KDM1A: variants seen among roughly 807,000 people sequenced by gnomAD.
KDM1A encodes the protein lysine-specific histone demethylase 1A.
Under a neutral mutation model 109.4 loss-of-function variants are expected in KDM1A, and 49 were observed. The observed-to-expected ratio is 0.45, with a 90% CI of 0.36 to 0.57. The LOEUF (loss-of-function observed/expected upper bound fraction) is 0.57, where lower values mean the gene tolerates loss of function less well. Among genes scored for constraint, KDM1A ranks in the 20% least tolerant of loss-of-function variants. The pLI, the probability that KDM1A is intolerant of heterozygous loss-of-function variation, is 0.00. For synonymous variants in KDM1A, 380 were observed against 415.4 expected (o/e 0.91, Z 1.04); for missense variants, 668 against 1,116.6 (o/e 0.60, Z 5.73).
Position 23,079,317 on chromosome 1 carries a change from A to T in KDM1A, c.2055+140A>T. ...TGTGACATCAGGGCTGAGGCGTGTCAGTTGATTCTCTTCAGTGCCTAAGTC... is the reference window on the plus strand; with the variant it reads ...TGTGACATCAGGGCTGAGGCGTGTCTGTTGATTCTCTTCAGTGCCTAAGTC... On this transcript the variant is annotated intron_variant, in intron 17 of 20. Transcript: ENST00000400181. The surrounding 1 kb of genome is among the most constrained non-coding windows in gnomAD (Gnocchi z 5.6). 1 of 826,438 alleles carries T rather than the reference A, an allele frequency of 1.2e-6. No individual in the cohort carries two copies. The highest frequency in any genetic ancestry group is 1.9e-6 in the Non-Finnish European group (1 of 528,754). The allele number at this position is 826,438 out of a possible 1,614,324, so 51.2% of individuals were successfully genotyped here.
At chr1:23,072,461 A>C (rs1557586991) in intron 14 of KDM1A, among the ~76,000 whole-genome samples, 1 of 152,204 alleles carries the variant, frequency 6.6e-6, no homozygotes, top group Non-Finnish European at 1.5e-5. Context: ...AAGATGTAAT[A>C]GATGGAAATT....
chr1:23,052,055 T>G (rs1471754150), intron 4 of KDM1A, among the ~76,000 whole-genome samples: 1 of 152,158 alleles, frequency 6.6e-6, no homozygotes. Context: ...TGTCATTTTT[T>G]TGTTTGTTTG....
At chr1:23,050,296 C>A in intron 3 of KDM1A, 91 bp from the exon 4 acceptor site, 1 of 1,374,790 alleles carries the variant, frequency 7.3e-7, no homozygotes, top group Non-Finnish European at 9.6e-7. Context: ...AAAGGTCAGT[C>A]TGTGAGTGAG....
chr1:23,031,478 A>G (rs1477793729), intron 2 of KDM1A, among the ~76,000 whole-genome samples: 4 of 152,180 alleles, frequency 2.6e-5, no homozygotes, highest in Non-Finnish European at 5.9e-5. Flanking sequence ...TAAAAACAAA[A>G]TGGTGGTTTC....
At chr1:23,039,922 A>G (rs1489274033) in intron 2 of KDM1A, among the ~76,000 whole-genome samples, 1 of 152,250 alleles carries the variant, frequency 6.6e-6, no homozygotes, top group Admixed American at 6.5e-5. Flanking sequence ...GTTTTGGGGC[A>G]GATACGGTAA....
intron 16 of KDM1A, among the ~76,000 whole-genome samples, chr1:23,078,450 C>A (rs982939675): frequency 6.6e-6 from 1 of 152,102 alleles, no homozygotes; most frequent in Non-Finnish European, 1.5e-5. Flanking sequence ...AATTTCAGTA[C>A]CCTCTCTGAG....
chr1:23,044,249 G>T, intron 2 of KDM1A, 178 bp from the exon 3 acceptor site: 1 of 565,548 alleles, frequency 1.8e-6, no homozygotes, highest in Non-Finnish European at 3.2e-6. Flanking sequence ...TTCCTGACCA[G>T]AATTTGGAAG....
At chr1:23,077,120 ATT>A in intron 15 of KDM1A, 106 bp from the exon 16 acceptor site, 1 of 1,056,546 alleles carries the variant, frequency 9.5e-7, no homozygotes. Flanking sequence ...GCCTTAAAAT[ATT>A]GACTGTTTCC....
At chr1:23,050,875 A>G (rs1168787412) in intron 4 of KDM1A, among the ~76,000 whole-genome samples, 2 of 150,814 alleles carry the variant, frequency 1.3e-5, no homozygotes, top group African/African-American at 4.8e-5. Context: ...ACCTGAGGTT[A>G]AGGGTTCGAG....
chr1:23,036,444 G>GCCCCCCCCCC (rs5773033), intron 2 of KDM1A, among the ~76,000 whole-genome samples: 1 of 121,596 alleles, frequency 8.2e-6, no homozygotes, highest in Non-Finnish European at 1.7e-5. Context: ...TTCTTGCCAC[G>GCCCCCCCCCC]CCCCCCCCCT....
chr1:23,022,890 C>T (rs1038201619), intron 1 of KDM1A, among the ~76,000 whole-genome samples: 1 of 148,414 alleles, frequency 6.7e-6, no homozygotes. Context: ...AACTCCTGGC[C>T]TCAAGCCATC....
chr1:23,076,742 T>C (rs886122236), intron 15 of KDM1A, among the ~76,000 whole-genome samples: 3 of 151,768 alleles, frequency 2.0e-5, no homozygotes, highest in Non-Finnish European at 4.4e-5. Flanking sequence ...GAGGCTGAGG[T>C]GGGTGGGTCA....
Position 23,079,102 on chromosome 1 carries a change from C to G in KDM1A, c.1980C>G (p.Ala660=), listed in dbSNP as rs756594733. The stretch of plus-strand genomic sequence containing the variant: ...GTGTGCTGAAGCAGCAGCCACCAGC[C>G]GTTCAGTTTGTGCCACCTCTCCCTG... The part of the protein sequence containing the change: ...PLGVLKQQPP[A]VQFVPPLPEW... The change falls in exon 17 of 21, where the codon GCC becomes GCG. Residue 660 remains alanine (A), a synonymous_variant. Transcript: ENST00000400181. The surrounding 1 kb of genome is among the most constrained non-coding windows in gnomAD (Gnocchi z 5.6). 1 of 1,614,126 alleles carries G rather than the reference C, an allele frequency of 6.2e-7. No individual in the cohort carries two copies. The highest frequency in any genetic ancestry group is 1.6e-4 in the Middle Eastern group (1 of 6,062).
At chr1:23,023,819 A>G (rs1033814573) in intron 1 of KDM1A, among the ~76,000 whole-genome samples, 3 of 152,120 alleles carry the variant, frequency 2.0e-5, no homozygotes, top group African/African-American at 7.2e-5. Context: ...TTTTTAAGCT[A>G]TCTCCTACAA....
intron 15 of KDM1A, among the ~76,000 whole-genome samples, chr1:23,074,499 T>C (rs1253169803): frequency 3.3e-5 from 5 of 152,194 alleles, no homozygotes; most frequent in Admixed American, 3.3e-4. Context: ...TGGAGTGGTG[T>C]GATCATGGCT....
rs979642413 is a variant in KDM1A at position 23,030,284 on chromosome 1, C to A, written c.352-185C>A. ...AGATTAGTTTGAACCTGAACTGACA[C>A]AAGATTGTTTCATGAGGGCTTTGTT... is the stretch of plus-strand genomic sequence containing the variant. On this transcript the variant is annotated intron_variant, in intron 1 of 20. Coordinates refer to ENST00000400181, the MANE Select transcript of KDM1A (RefSeq NM_001009999.3). 4.4e-4 allele frequency among the ~76,000 whole-genome samples: 67 copies of A among 152,206 alleles called. 3 individuals are homozygous for A. The highest frequency in any genetic ancestry group is 4.8e-5 in the African/African-American group (2 of 41,448).
In KDM1A at chr1:23,019,471, G is replaced by A; in HGVS notation, c.-126G>A. 1 of 1,242,952 alleles carries A rather than the reference G, an allele frequency of 8.0e-7. No individual in the cohort carries two copies. The highest frequency in any genetic ancestry group is 2.9e-5 in the South Asian group (1 of 33,932). 77.0% of individuals were successfully genotyped at this position (1,242,952 alleles called of 1,614,324 possible). On this transcript the variant is annotated 5_prime_UTR_variant, in exon 1 of 21. Coordinates refer to ENST00000400181, the MANE Select transcript of KDM1A (RefSeq NM_001009999.3). ...CCGGCGCGGCGGGAGCGCGCTTGGC[G>A]CGTGCGTACGCGACGGCGGTTGGCG...
At chr1:23,049,106 C>T (rs1347292689) in intron 3 of KDM1A, among the ~76,000 whole-genome samples, 3 of 138,524 alleles carry the variant, frequency 2.2e-5, no homozygotes, top group African/African-American at 5.4e-5. Context: ...GAGCCGAGAT[C>T]GCGCTACTGC....
intron 2 of KDM1A, among the ~76,000 whole-genome samples, chr1:23,033,296 C>T (rs1415975418): frequency 1.3e-5 from 2 of 152,098 alleles, no homozygotes; most frequent in Non-Finnish European, 2.9e-5. Context: ...CTGAGGCAAG[C>T]GGATCACCTG....
Sources: allele counts gnomAD v4.1 joint callset (sites outside exome capture counted in the v4.1 genomes callset), GRCh38; gene constraint gnomAD v4.1.1; non-coding constraint Gnocchi (gnomAD v3.1); transcripts MANE v1.5; gene names NCBI Gene and HGNC (gene_info 2026-07-23, HGNC 2026-07-21).